MED17: variants seen among roughly 807,000 people sequenced by gnomAD.
MED17 encodes mediator of RNA polymerase II transcription subunit 17.
Under a neutral mutation model 80.8 loss-of-function variants are expected in MED17, and 49 were observed. The ratio of observed to expected loss-of-function variants is 0.61; its 90% CI spans 0.48 to 0.77. MED17 has a LOEUF of 0.77. Among genes scored for constraint, MED17 ranks in the 30% least tolerant of loss-of-function variants. The probability of loss-of-function intolerance (pLI) is 0.00; values close to 1 mark genes in which losing one functional copy is unlikely to be tolerated. For missense variants in MED17, 718 were observed against 787.0 expected (o/e 0.91, Z 1.05); for synonymous variants, 281 against 280.4 (o/e 1.00, Z -0.02).
At position 93,784,464 on chromosome 11, in the gene MED17, C is replaced by T; in HGVS notation, c.-50C>T. 6.4e-7 allele frequency: 1 copy of T among 1,561,806 alleles called. No homozygotes were observed. Among genetic ancestry groups the T allele is most frequent in the Non-Finnish European group, 8.7e-7 (1 of 1,154,142 alleles). ...GCAGGGAAGCCTCCTCTTCGTACCT[C>T]GTTTTTTGGCTCGTGGGGGGTCCTC... On this transcript the variant is annotated 5_prime_UTR_variant, in exon 1 of 12. Coordinates refer to ENST00000251871, the MANE Select transcript of MED17 (RefSeq NM_004268.5).
intron 3 of MED17, among the ~76,000 whole-genome samples, chr11:93,791,406 C>T (rs1943834972): frequency 1.3e-5 from 2 of 151,986 alleles, no homozygotes; most frequent in Admixed American, 6.6e-5. Context: ...TACCTGTAAC[C>T]CTTAAAAACT....
intron 2 of MED17, chr11:93,789,819 C>T (rs1027435053): frequency 1.4e-5 from 2 of 144,164 alleles, no homozygotes; most frequent in African/African-American, 5.0e-5. Flanking sequence ...AAAAGCCAGG[C>T]TTGGTGTTGC....
In MED17 at chr11:93,794,038, A is replaced by G. The variant is rs1943872820; in HGVS notation, c.859+3A>G. On this transcript the variant is annotated splice_donor_region_variant and intron_variant, in intron 5 of 11. Coordinates refer to ENST00000251871, the MANE Select transcript of MED17 (RefSeq NM_004268.5). ...ACCTTTGCCCAAATCCAAACCAGGT[A>G]TGGTTATGTTCTATTCTCTAATTTC... 7 of 1,608,336 alleles carry G rather than the reference A, an allele frequency of 4.4e-6. No homozygotes were observed. Among genetic ancestry groups the G allele is most frequent in the Non-Finnish European group, 6.0e-6 (7 of 1,174,794 alleles).
intron 3 of MED17, 51 bp from the exon 4 acceptor site, chr11:93,793,677 G>C (rs776490049): frequency 7.7e-7 from 1 of 1,304,310 alleles, no homozygotes; most frequent in Non-Finnish European, 1.1e-6. Flanking sequence ...AATGTGTGTC[G>C]GAATAATATG....
chr11:93,786,454 A>G (rs140306532), intron 1 of MED17, among the ~76,000 whole-genome samples: 4 of 151,568 alleles, frequency 2.6e-5, no homozygotes, highest in East Asian at 1.9e-4. Flanking sequence ...TTTAATTTTA[A>G]CTTTTTTTGG....
chr11:93,812,092 T>C lies in MED17; in HGVS notation c.*28T>C. 1 of 1,593,992 alleles carries C rather than the reference T, an allele frequency of 6.3e-7. No individual in the cohort carries two copies. The highest frequency in any genetic ancestry group is 8.6e-7 in the Non-Finnish European group (1 of 1,161,938). On this transcript the variant is annotated 3_prime_UTR_variant, in exon 12 of 12. Transcript: ENST00000251871. ...TTTTCCAGATGTTTCCTAAAGAAGT[T>C]TCCAGAAACTTTGACTTGAAATGTT... is the stretch of plus-strand genomic sequence containing the variant.
intron 3 of MED17, among the ~76,000 whole-genome samples, chr11:93,791,630 C>A (rs1292949654): frequency 6.6e-6 from 1 of 151,980 alleles, no homozygotes; most frequent in Non-Finnish European, 1.5e-5. Flanking sequence ...CCCTTGAGCC[C>A]AGGAGGTCCT....
Position 93,803,602 on chromosome 11 carries a change from CATTAT to C in MED17, c.1466+1637_1466+1641del, listed in dbSNP as rs770089803. Among the ~76,000 whole-genome samples, 8 of 152,198 alleles carry C rather than the reference CATTAT, an allele frequency of 5.3e-5. No homozygotes were observed. In the South Asian group the frequency reaches 8.3e-4, roughly 16 times the overall value. Reference sequence around the variant, plus strand: ...AATGGGTGATGGGATTATAGGCTTTCATTATATTATACTTCTGTTGGTGTTTATTA... The same window carrying C: ...AATGGGTGATGGGATTATAGGCTTTCATTATACTTCTGTTGGTGTTTATTA... On this transcript the variant is annotated intron_variant, in intron 9 of 11. Transcript: ENST00000251871.
intron 1 of MED17, among the ~76,000 whole-genome samples, chr11:93,787,771 A>T (rs1274115116): frequency 6.6e-6 from 1 of 152,248 alleles, no homozygotes; most frequent in African/African-American, 2.4e-5. Context: ...TTGTAATGAT[A>T]AATTTAACCT....
In MED17 at chr11:93,797,766, C is replaced by T; in HGVS notation, c.1328+47C>T. ...GTTTTCTGTTTTTTCTTTGAAATTG[C>T]AGTGTTTTCTTCTGTTATTTCATAA... On this transcript the variant is annotated intron_variant, in intron 8 of 11. Coordinates refer to ENST00000251871, the MANE Select transcript of MED17 (RefSeq NM_004268.5). 3.9e-6 allele frequency: 6 copies of T among 1,523,746 alleles called. No individual in the cohort carries two copies. In the Admixed American group the frequency reaches 1.0e-4, roughly 26 times the overall value. The allele number at this position is 1,523,746 out of a possible 1,614,324, so 94.4% of individuals were successfully genotyped here. A position where few individuals can be genotyped will look rare whatever the true frequency, so the allele number is the denominator to read the frequency against.
At chr11:93,794,125 G>C (rs1351301646) in intron 5 of MED17, 90 bp downstream of exon 5, 1 of 1,037,580 alleles carries the variant, frequency 9.6e-7, no homozygotes, top group Non-Finnish European at 1.5e-6. Flanking sequence ...GGAAAAAATA[G>C]ATAGTTTGAA....
At chr11:93,795,158 A>G in intron 6 of MED17, 98 bp downstream of exon 6, 1 of 1,319,396 alleles carries the variant, frequency 7.6e-7, no homozygotes, top group East Asian at 2.3e-5. Flanking sequence ...GAGAATAATG[A>G]GAGCAAAGAA....
intron 1 of MED17, among the ~76,000 whole-genome samples, chr11:93,785,517 C>T (rs551985712): frequency 7.8e-4 from 119 of 152,166 alleles, no homozygotes; most frequent in African/African-American, 2.8e-3. Context: ...GATGTCATTT[C>T]AGGGCAGTGC....
chr11:93,793,578 C>T, intron 3 of MED17, 150 bp from the exon 4 acceptor site: 2 of 625,820 alleles, frequency 3.2e-6, no homozygotes, highest in South Asian at 2.0e-5. Flanking sequence ...GTTCACCATT[C>T]CTCACCCTTT....
chr11:93,797,273 C>G, intron 7 of MED17: 1 of 440,142 alleles, frequency 2.3e-6, no homozygotes, highest in South Asian at 2.6e-5. Context: ...TTGTGACTCC[C>G]TCAAACCTTA....
chr11:93,809,628 C>G (rs754113672), intron 10 of MED17, 89 bp from the exon 11 acceptor site: 59 of 1,408,254 alleles, frequency 4.2e-5, no homozygotes, highest in Non-Finnish European at 5.6e-5. Flanking sequence ...CAGTGAGCAC[C>G]CCAACAAAAG....
chr11:93,797,870 T>C, intron 8 of MED17, 151 bp downstream of exon 8: 1 of 685,592 alleles, frequency 1.5e-6, no homozygotes, highest in Non-Finnish European at 2.5e-6. Context: ...ATAGACTGGG[T>C]CCTGTCAAGT....
intron 11 of MED17, 104 bp downstream of exon 11, chr11:93,809,980 ATTAG>A (rs1944069494): frequency 1.7e-6 from 2 of 1,165,884 alleles, no homozygotes; most frequent in Non-Finnish European, 2.6e-6. Flanking sequence ...TCTGCAATAA[ATTAG>A]TTAATGTTGT....
intron 9 of MED17, among the ~76,000 whole-genome samples, chr11:93,803,364 G>A (rs1943982992): frequency 6.6e-6 from 1 of 152,170 alleles, no homozygotes; most frequent in African/African-American, 2.4e-5. Flanking sequence ...AGATAAGTGT[G>A]AGAGCAGATG....
Sources: gnomAD v4.1 joint callset for allele counts (sites outside exome capture counted in the v4.1 genomes callset) on GRCh38, gnomAD v4.1.1 for gene constraint, MANE v1.5 for transcripts, NCBI Gene and HGNC (gene_info 2026-07-23, HGNC 2026-07-21) for gene names.